NOSIP: variants seen among roughly 807,000 people sequenced by gnomAD.
NOSIP encodes the protein nitric oxide synthase interacting protein.
A neutral mutation model predicts 36.4 loss-of-function variants in NOSIP; 25 were observed. The observed-to-expected ratio is 0.69, with a 90% confidence interval of 0.50 to 0.96. The LOEUF is 0.96. Ranked by LOEUF, NOSIP falls within the 40% of genes least tolerant of loss-of-function variation. The pLI is 0.00. For synonymous variants in NOSIP, 187 were observed against 179.2 expected (o/e 1.04, Z -0.35); for missense variants, 370 against 429.0 (o/e 0.86, Z 1.21).
At chr19:49,557,795 G>A (rs994033606) in intron 4 of NOSIP, 84 of 988,230 alleles carry the variant, frequency 8.5e-5, no homozygotes, top group Non-Finnish European at 7.7e-5. Context: ...CCTGCCTGGC[G>A]CACAGCAGTT....
intron 1 of NOSIP, among the ~76,000 whole-genome samples, chr19:49,572,034 A>G (rs2080491590): frequency 2.0e-5 from 3 of 150,554 alleles, no homozygotes; most frequent in Admixed American, 1.3e-4. Flanking sequence ...GTAGCCTTTG[A>G]AATCCAGAAT....
intron 1 of NOSIP, among the ~76,000 whole-genome samples, chr19:49,569,818 A>C (rs527304544): frequency 6.0e-5 from 9 of 150,692 alleles, no homozygotes; most frequent in South Asian, 4.2e-4. Flanking sequence ...CAAAAAACAA[A>C]AACAACAACA....
intron 1 of NOSIP, chr19:49,579,093 A>G (rs752395532): frequency 4.6e-5 from 7 of 152,186 alleles, no homozygotes; most frequent in Non-Finnish European, 7.3e-5. Flanking sequence ...GGAAGGGGGA[A>G]CAGTTCTAAA....
Position 49,560,815 on chromosome 19 carries a change from G to T in NOSIP, c.-1-123C>A. On this transcript the variant is annotated intron_variant, in intron 1 of 8. Transcript: ENST00000596358. The surrounding 1 kb of genome is among the most constrained non-coding windows in gnomAD (Gnocchi z 4.6). The stretch of plus-strand genomic sequence containing the variant: ...GGGAAAGCGGAGGCGGAGAAGGGGG[G>T]TGAGGTGGAAGAGAGGGAGGGCATG... 2.6e-6 allele frequency: 2 copies of T among 769,814 alleles called. No individual in the cohort carries two copies. The highest frequency in any genetic ancestry group is 4.4e-6 in the Non-Finnish European group (2 of 455,078). 47.7% of individuals were successfully genotyped at this position (769,814 alleles called of 1,614,324 possible). A position where few individuals can be genotyped will look rare whatever the true frequency, so the allele number is the denominator to read the frequency against.
intron 1 of NOSIP, among the ~76,000 whole-genome samples, chr19:49,576,275 T>C (rs1168284527): frequency 6.6e-6 from 1 of 151,992 alleles, no homozygotes; most frequent in African/African-American, 2.4e-5. Context: ...GGAGGATCAC[T>C]TGAACTCACG....
chr19:49,558,752 GAGA>G, intron 4 of NOSIP, 142 bp downstream of exon 4: 1 of 731,336 alleles, frequency 1.4e-6, no homozygotes, highest in Non-Finnish European at 2.4e-6. Context: ...TGAAATCGGT[GAGA>G]AGGATTTGGC....
At chr19:49,555,866 G>T in intron 8 of NOSIP, 44 bp from the exon 9 acceptor site, 1 of 1,427,896 alleles carries the variant, frequency 7.0e-7, no homozygotes, top group South Asian at 1.2e-5. Flanking sequence ...CCGGCCCGGG[G>T]GTGACCAGTG....
At chr19:49,570,617 A>C (rs779819318) in intron 1 of NOSIP, among the ~76,000 whole-genome samples, 123 of 151,720 alleles carry the variant, frequency 8.1e-4, no homozygotes, top group Non-Finnish European at 1.2e-3. Context: ...AAACACCCCA[A>C]CTTGACCCAG....
At position 49,556,997 on chromosome 19, in the gene NOSIP, T is replaced by C. The variant is rs2080259349; in HGVS notation, c.419-4A>G. The C allele has an allele frequency of 6.2e-7, 1 of 1,604,712 alleles. No homozygotes were observed. Among genetic ancestry groups the C allele is most frequent in the African/African-American group, 1.3e-5 (1 of 74,754 alleles). ...CTGGGCCCAGGTTGGACATCATCTG[T>C]GGGGGAAGGAAGGGACTCAGATGCC... On this transcript the variant is annotated splice_polypyrimidine_tract_variant and splice_region_variant and intron_variant, in intron 5 of 8. Coordinates refer to ENST00000596358, the MANE Select transcript of NOSIP (RefSeq NM_001270960.2).
Position 49,560,459 on chromosome 19 carries a change from G to T in NOSIP, c.70+163C>A. ...AGAGAACACAGTGCCGGGCCACATG[G>T]GGTCATGGGATCACCCAGCTGTTGT... On this transcript the variant is annotated intron_variant, in intron 2 of 8. Transcript: ENST00000596358. The surrounding 1 kb of genome is among the most constrained non-coding windows in gnomAD (Gnocchi z 4.6). 1 of 634,476 alleles carries T rather than the reference G, an allele frequency of 1.6e-6. No homozygotes were observed. Among genetic ancestry groups the T allele is most frequent in the Non-Finnish European group, 2.9e-6 (1 of 349,166 alleles). 39.3% of individuals were successfully genotyped at this position (634,476 alleles called of 1,614,324 possible).
At chr19:49,563,474 A>C (rs999193019) in intron 1 of NOSIP, among the ~76,000 whole-genome samples, 1 of 150,190 alleles carries the variant, frequency 6.7e-6, no homozygotes, top group Admixed American at 6.7e-5. Context: ...CTGGCACATC[A>C]TATCTTTTGT....
intron 4 of NOSIP, 27 bp from the exon 5 acceptor site, chr19:49,557,276 TCTGCC>T (rs762928085): frequency 6.4e-7 from 1 of 1,553,760 alleles, no homozygotes. Context: ...GGGCTGAGCA[TCTGCC>T]CGTGGGGCTG....
At chr19:49,571,390 ACT>A (rs1305232246) in intron 1 of NOSIP, among the ~76,000 whole-genome samples, 2 of 151,728 alleles carry the variant, frequency 1.3e-5, no homozygotes, top group African/African-American at 2.4e-5. Context: ...GGATTTACAA[ACT>A]CTGAAAGCTG....
chr19:49,570,041 G>A (rs947205317), intron 1 of NOSIP, among the ~76,000 whole-genome samples: 1 of 152,050 alleles, frequency 6.6e-6, no homozygotes, highest in Admixed American at 6.6e-5. Context: ...CCCAGGAGGC[G>A]GAGGTTGCAG....
At chr19:49,562,329 G>T (rs1415895747) in intron 1 of NOSIP, among the ~76,000 whole-genome samples, 1 of 151,958 alleles carries the variant, frequency 6.6e-6, no homozygotes. Flanking sequence ...TCACCGTGTT[G>T]GCCAGGCTGG....
chr19:49,575,870 G>A (rs986725852), intron 1 of NOSIP, among the ~76,000 whole-genome samples: 2 of 152,152 alleles, frequency 1.3e-5, no homozygotes, highest in Non-Finnish European at 2.9e-5. Flanking sequence ...AGTGGCTCAC[G>A]CCTGTAATCC....
intron 1 of NOSIP, among the ~76,000 whole-genome samples, chr19:49,569,488 G>A (rs1306570655): frequency 1.4e-5 from 2 of 142,798 alleles, no homozygotes; most frequent in Non-Finnish European, 3.1e-5. Flanking sequence ...GTGAGCCACC[G>A]TGCCTGGCCT....
At chr19:49,575,960 T>A (rs996373420) in intron 1 of NOSIP, among the ~76,000 whole-genome samples, 6 of 151,978 alleles carry the variant, frequency 3.9e-5, no homozygotes, top group Non-Finnish European at 8.8e-5. Context: ...TGAAACCCCG[T>A]CTCTACTAAT....
intron 1 of NOSIP, among the ~76,000 whole-genome samples, chr19:49,575,897 C>G (rs543931497): frequency 1.3e-5 from 2 of 152,198 alleles, no homozygotes; most frequent in South Asian, 4.1e-4. Flanking sequence ...TTTGGGAGGC[C>G]AAGGCGGGCA....
Sources: gnomAD v4.1 joint callset for allele counts (sites outside exome capture counted in the v4.1 genomes callset) on GRCh38, gnomAD v4.1.1 for gene constraint, Gnocchi (gnomAD v3.1) non-coding constraint, MANE v1.5 for transcripts, NCBI Gene and HGNC (gene_info 2026-07-23, HGNC 2026-07-21) for gene names.